GRIK2: variants seen among roughly 807,000 people sequenced by gnomAD.
GRIK2 encodes the protein glutamate receptor ionotropic, kainate 2.
GRIK2 carries 32 observed loss-of-function variants against 100.3 expected under a neutral mutation model. The observed-to-expected ratio is 0.32, with a 90% CI of 0.24 to 0.43. The LOEUF is 0.43. Among genes scored for constraint, GRIK2 ranks in the 20% least tolerant of loss-of-function variants. The pLI, the probability that GRIK2 is intolerant of heterozygous loss-of-function variation, is 1.00. For missense variants in GRIK2, 843 were observed against 1,114.9 expected (o/e 0.76, Z 3.47); for synonymous variants, 417 against 389.4 (o/e 1.07, Z -0.83).
intron 10 of GRIK2, among the ~76,000 whole-genome samples, chr6:101,819,156 T>G (rs1781801988): frequency 6.6e-6 from 1 of 152,164 alleles, no homozygotes; most frequent in Admixed American, 6.6e-5. Context: ...AAAGGGAATT[T>G]TAATTTAGGA....
At chr6:101,613,011 G>A (rs1020376714) in intron 2 of GRIK2, among the ~76,000 whole-genome samples, 1 of 151,662 alleles carries the variant, frequency 6.6e-6, no homozygotes, top group African/African-American at 2.4e-5. Flanking sequence ...TAAGATCAAT[G>A]TTTCACGTTA....
intron 12 of GRIK2, among the ~76,000 whole-genome samples, chr6:101,892,547 A>G (rs907150389): frequency 6.6e-6 from 1 of 151,964 alleles, no homozygotes. Flanking sequence ...TACTGCTTTT[A>G]TATTTTGAAA....
chr6:101,934,604 A>T (rs994868717), intron 14 of GRIK2, among the ~76,000 whole-genome samples: 5 of 151,892 alleles, frequency 3.3e-5, no homozygotes, highest in Non-Finnish European at 7.4e-5. Flanking sequence ...AAATGTAAAA[A>T]GTTGGTAGTT....
At chr6:101,904,415 T>C (rs1448948889) in intron 12 of GRIK2, among the ~76,000 whole-genome samples, 1 of 151,514 alleles carries the variant, frequency 6.6e-6, no homozygotes, top group Non-Finnish European at 1.5e-5. Context: ...ATTTTTAATA[T>C]CTTCTTTTAA....
intron 2 of GRIK2, among the ~76,000 whole-genome samples, chr6:101,492,502 A>C (rs1382836472): frequency 6.6e-6 from 1 of 151,980 alleles, no homozygotes; most frequent in Admixed American, 6.6e-5. Flanking sequence ...ATGAGTTATA[A>C]TAAATTAATG....
chr6:101,436,638 A>T (rs149741785), intron 2 of GRIK2, among the ~76,000 whole-genome samples: 35 of 152,140 alleles, frequency 2.3e-4, no homozygotes, highest in Middle Eastern at 3.4e-3. Context: ...TGGTATCTTC[A>T]GCAAATTTTC....
chr6:101,562,747 A>G (rs1446312812), intron 2 of GRIK2, among the ~76,000 whole-genome samples: 5 of 152,156 alleles, frequency 3.3e-5, no homozygotes, highest in Non-Finnish European at 5.9e-5. Flanking sequence ...ATGATGTAAT[A>G]TATGTAAAAC....
intron 12 of GRIK2, among the ~76,000 whole-genome samples, chr6:101,891,325 T>C (rs962708120): frequency 6.6e-6 from 1 of 152,068 alleles, no homozygotes; most frequent in Admixed American, 6.6e-5. Flanking sequence ...GAGACCATCC[T>C]GGCCAAAATG....
At position 101,798,100 on chromosome 6, in the gene GRIK2, C is replaced by T. The variant is rs146269891; in HGVS notation, c.952-1548C>T. Among the ~76,000 whole-genome samples the T allele has an allele frequency of 4.3e-3, 646 of 149,448 alleles. 8 individuals are homozygous for T. Among genetic ancestry groups the T allele is most frequent in the African/African-American group, 0.015 (597 of 40,632 alleles). Reference sequence around the variant, plus strand: ...GATATGTAGCCTTCATTCTTAGCTCCGATTTTCTTAATGCTAATTCCAGAA... The same window carrying T: ...GATATGTAGCCTTCATTCTTAGCTCTGATTTTCTTAATGCTAATTCCAGAA... On this transcript the variant is annotated intron_variant, in intron 7 of 16. Coordinates refer to ENST00000369134, the MANE Select transcript of GRIK2 (RefSeq NM_021956.5).
chr6:101,519,018 T>G (rs1774733747), intron 2 of GRIK2, among the ~76,000 whole-genome samples: 1 of 152,210 alleles, frequency 6.6e-6, no homozygotes, highest in African/African-American at 2.4e-5. Flanking sequence ...GTATAAAATA[T>G]AAATGCTCTT....
chr6:101,721,453 G>A (rs1023985673), intron 7 of GRIK2, among the ~76,000 whole-genome samples: 3 of 151,788 alleles, frequency 2.0e-5, no homozygotes, highest in African/African-American at 7.3e-5. Context: ...CAGCTACTTG[G>A]GAGGCTGAGA....
At chr6:101,749,094 G>C (rs541343655) in intron 7 of GRIK2, among the ~76,000 whole-genome samples, 1 of 152,060 alleles carries the variant, frequency 6.6e-6, no homozygotes, top group Non-Finnish European at 1.5e-5. Context: ...AACAAAGGAA[G>C]TATTATTTTA....
At chr6:101,623,509 A>C (rs1780275653) in intron 3 of GRIK2, among the ~76,000 whole-genome samples, 1 of 152,112 alleles carries the variant, frequency 6.6e-6, no homozygotes, top group Admixed American at 6.6e-5. Flanking sequence ...TCTGCCTCTA[A>C]TGAAAGCATT....
chr6:101,909,383 T>TGTTTTG (rs1562480979), intron 12 of GRIK2, among the ~76,000 whole-genome samples: 1 of 133,144 alleles, frequency 7.5e-6, no homozygotes, highest in Non-Finnish European at 1.6e-5. Flanking sequence ...TTTCTTTTTC[T>TGTTTTG]TTTTTTTTTT....
At chr6:102,010,085 C>G (rs143573008) in intron 14 of GRIK2, among the ~76,000 whole-genome samples, 1 of 152,032 alleles carries the variant, frequency 6.6e-6, no homozygotes, top group East Asian at 1.9e-4. Context: ...GAGAAAGTTA[C>G]AGTATACTCA....
chr6:101,839,644 A>G (rs1783373434), intron 10 of GRIK2, among the ~76,000 whole-genome samples: 1 of 152,158 alleles, frequency 6.6e-6, no homozygotes, highest in Non-Finnish European at 1.5e-5. Flanking sequence ...ATTTGGTGAG[A>G]ACAGCCAAAA....
intron 4 of GRIK2, among the ~76,000 whole-genome samples, chr6:101,667,658 A>G (rs958586099): frequency 2.6e-4 from 39 of 152,312 alleles, no homozygotes; most frequent in African/African-American, 7.9e-4. Context: ...CGAAGAGAAC[A>G]TAGTGCCTAG....
chr6:101,943,749 T>C (rs2128476533), intron 14 of GRIK2, among the ~76,000 whole-genome samples: 1 of 152,180 alleles, frequency 6.6e-6, no homozygotes, highest in Middle Eastern at 3.4e-3. Context: ...GCCTAGATCT[T>C]CACTGTATCT....
At chr6:101,611,297 T>G (rs1166490952) in intron 2 of GRIK2, among the ~76,000 whole-genome samples, 1 of 151,916 alleles carries the variant, frequency 6.6e-6, no homozygotes, top group African/African-American at 2.4e-5. Context: ...CTCACTCATA[T>G]TCTTTATTCT....
Sources: gnomAD v4.1 joint callset for allele counts (sites outside exome capture counted in the v4.1 genomes callset) on GRCh38, gnomAD v4.1.1 for gene constraint, MANE v1.5 for transcripts, NCBI Gene and HGNC (gene_info 2026-07-23, HGNC 2026-07-21) for gene names.